The following PYGB variants were observed in gnomAD, a reference collection of about 807,000 sequenced individuals.
PYGB encodes the protein glycogen phosphorylase, brain form.
A neutral mutation model predicts 94.3 loss-of-function variants in PYGB; 82 were observed. That is an observed-to-expected ratio of 0.87 (90% CI 0.73 to 1.04). PYGB has a LOEUF of 1.04. Ranked by LOEUF, PYGB falls within the 50% of genes least tolerant of loss-of-function variation. The pLI, the probability that PYGB is intolerant of heterozygous loss-of-function variation, is 0.00. For synonymous variants in PYGB, 488 were observed against 479.1 expected, an observed-to-expected ratio of 1.02 and a Z score of -0.24; for missense variants, 1,132 against 1,158.2, an observed-to-expected ratio of 0.98 and a Z score of 0.33.
chr20:25,263,802 C>CA (rs1490419038), intron 2 of PYGB, among the ~76,000 whole-genome samples: 2 of 151,958 alleles, frequency 1.3e-5, no homozygotes, highest in African/African-American at 4.8e-5. Flanking sequence ...GCCTAGCAAC[C>CA]AAAAAAAGTC....
At chr20:25,260,520 G>A (rs1015389532) in intron 2 of PYGB, among the ~76,000 whole-genome samples, 3 of 152,192 alleles carry the variant, frequency 2.0e-5, no homozygotes, top group African/African-American at 7.2e-5. Flanking sequence ...CAAGATGGCT[G>A]AATAGGAACA....
At chr20:25,280,154 C>T (rs1487114058) in intron 9 of PYGB, 112 bp from the exon 10 acceptor site, 6 of 1,354,328 alleles carry the variant, frequency 4.4e-6, no homozygotes, top group Non-Finnish European at 6.1e-6. Flanking sequence ...GTGGCCCTTC[C>T]TGGGGTACCC....
At chr20:25,290,424 C>T in intron 15 of PYGB, 57 bp from the exon 16 acceptor site, 2 of 1,582,366 alleles carry the variant, frequency 1.3e-6, no homozygotes, top group African/African-American at 1.3e-5. Context: ...CCAGGAGCGC[C>T]TCCAAGGGCC....
rs200118192 is a variant in PYGB, at chr20:25,279,044, G to C, written c.1000-13G>C. 3.1e-6 allele frequency: 5 copies of C among 1,605,886 alleles called. No homozygotes were observed. The South Asian group carries it at 5.5e-5, about 18-fold the overall frequency. The stretch of plus-strand genomic sequence containing the variant: ...ATGAAATGACTGAATGGCACCCCTT[G>C]TGCGACCTTCAGGTGGCCATCCAGC... On this transcript the variant is annotated splice_polypyrimidine_tract_variant and intron_variant, in intron 8 of 19. Coordinates refer to ENST00000216962, the MANE Select transcript of PYGB (RefSeq NM_002862.4).
At position 25,294,250 on chromosome 20, in the gene PYGB, A is replaced by G; in HGVS notation, c.2270A>G (p.Asp757Gly). Residue 757 changes from aspartate (D) to glycine (G), a missense_variant, in exon 18 of 20, where the codon GAC becomes GGC. Transcript: ENST00000216962. ...SSGFFSPKEP[D>G]CFKDIVNMLM... is the part of the protein sequence containing the mutation. ...GGCTTTTTTTCTCCCAAGGAGCCAG[A>G]CTGCTTCAAGGACATCGTGAACATG... 1 of 1,544,422 alleles carries G rather than the reference A, an allele frequency of 6.5e-7. No individual in the cohort carries two copies. Among genetic ancestry groups the G allele is most frequent in the Non-Finnish European group, 8.8e-7 (1 of 1,136,304 alleles).
intron 3 of PYGB, among the ~76,000 whole-genome samples, chr20:25,269,483 A>G (rs2088247572): frequency 6.6e-6 from 1 of 152,224 alleles, no homozygotes; most frequent in Non-Finnish European, 1.5e-5. Flanking sequence ...TATGCTGACC[A>G]CTTTCCAGGG....
intron 16 of PYGB, among the ~76,000 whole-genome samples, chr20:25,292,198 A>G (rs763055400): frequency 6.6e-6 from 1 of 152,182 alleles, no homozygotes; most frequent in Admixed American, 6.5e-5. Flanking sequence ...AGGATGCCCC[A>G]GTCACGAAGG....
intron 2 of PYGB, among the ~76,000 whole-genome samples, chr20:25,264,418 G>A (rs1190104370): frequency 2.6e-5 from 4 of 152,092 alleles, no homozygotes; most frequent in Non-Finnish European, 5.9e-5. Context: ...TTGGAAGTTC[G>A]GGCCAGGGCA....
In PYGB at chr20:25,248,333, ACTT is replaced by A. The variant is rs778583849; in HGVS notation, c.160_162del (p.Phe54del). 1.9e-6 allele frequency: 3 copies of A among 1,603,532 alleles called. No individual in the cohort carries two copies. The highest frequency in any genetic ancestry group is 1.4e-5 in the African/African-American group (1 of 73,964). ...CGCAATGTGGCCACGCCCCGCGACT[ACTT>A]CTTCGCGCTGGCGCACACGGTGCGC... is the stretch of plus-strand genomic sequence containing the variant. On this transcript the variant is annotated inframe_deletion, in exon 1 of 20. Coordinates refer to ENST00000216962, the MANE Select transcript of PYGB (RefSeq NM_002862.4).
chr20:25,294,735 C>A, intron 18 of PYGB: 1 of 625,142 alleles, frequency 1.6e-6, no homozygotes. Flanking sequence ...ATTTCACTTG[C>A]AACGATGTGA....
rs564557017 is a variant in PYGB at position 25,280,858 on chromosome 20, GTGGTCATGGAGTGTCCCC to G, written c.1240-81_1240-64del. 1.8e-4 allele frequency: 271 copies of G among 1,473,446 alleles called. 2 individuals are homozygous for G. The East Asian group carries it at 5.9e-3, about 32-fold the overall frequency. 91.3% of individuals were successfully genotyped at this position (1,473,446 alleles called of 1,614,324 possible). A position where few individuals can be genotyped will look rare whatever the true frequency, so the allele number is the denominator to read the frequency against. ...CTGGAGGCAGCAGAGCTTCCCATGG[GTGGTCATGGAGTGTCCCC>G]TGGTCATGGGGAGTGCTGGGTCTCC... On this transcript the variant is annotated intron_variant, in intron 10 of 19. Coordinates refer to ENST00000216962, the MANE Select transcript of PYGB (RefSeq NM_002862.4).
intron 5 of PYGB, among the ~76,000 whole-genome samples, chr20:25,275,949 C>A (rs574935947): frequency 1.3e-4 from 20 of 152,308 alleles, no homozygotes; most frequent in African/African-American, 4.8e-4. Flanking sequence ...ACGTGTGTGC[C>A]GGGATGAACC....
At chr20:25,269,609 A>T (rs1362008949) in intron 3 of PYGB, among the ~76,000 whole-genome samples, 1 of 152,220 alleles carries the variant, frequency 6.6e-6, no homozygotes, top group Non-Finnish European at 1.5e-5. Context: ...GCCTTGAAAT[A>T]ACAGGGCTTT....
At chr20:25,267,165 G>GCACACATGGAT (rs1314707276) in intron 2 of PYGB, among the ~76,000 whole-genome samples, 5 of 152,316 alleles carry the variant, frequency 3.3e-5, no homozygotes, top group Admixed American at 6.5e-5. Flanking sequence ...TACAAAGACG[G>GCACACATGGAT]GAAGGGCTGA....
At chr20:25,288,107 T>C in intron 14 of PYGB, 1 of 472,416 alleles carries the variant, frequency 2.1e-6, no homozygotes, top group South Asian at 2.0e-5. Context: ...GCTTTTCCTC[T>C]GAGCCCCGGG....
At chr20:25,280,925 C>T (rs201802705) in intron 10 of PYGB, 24 bp from the exon 11 acceptor site, 38 of 1,611,590 alleles carry the variant, frequency 2.4e-5, no homozygotes, top group Middle Eastern at 3.4e-4. Context: ...TGCCCACCCA[C>T]CTGCCTCTGT....
At chr20:25,260,658 C>T (rs899649809) in intron 2 of PYGB, among the ~76,000 whole-genome samples, 1 of 152,098 alleles carries the variant, frequency 6.6e-6, no homozygotes, top group African/African-American at 2.4e-5. Context: ...AGCGTGAGAG[C>T]ATGAGCTAAA....
At chr20:25,294,850 C>G (rs139575896) in intron 18 of PYGB, 6 of 1,082,434 alleles carry the variant, frequency 5.5e-6, no homozygotes, top group Admixed American at 5.2e-5. Context: ...AGTTCTTCAC[C>G]GTTGGCAAAA....
At chr20:25,248,816 A>G (rs1035389307) in intron 1 of PYGB, among the ~76,000 whole-genome samples, 5 of 152,206 alleles carry the variant, frequency 3.3e-5, no homozygotes, top group Non-Finnish European at 5.9e-5. Context: ...TGTGGGAGAA[A>G]ATGGGACTGG....
Sources: gnomAD v4.1 joint callset for allele counts (sites outside exome capture counted in the v4.1 genomes callset) on GRCh38, gnomAD v4.1.1 for gene constraint, MANE v1.5 for transcripts, NCBI Gene and HGNC (gene_info 2026-07-23, HGNC 2026-07-21) for gene names.